ZNF254: variants seen among roughly 807,000 people sequenced by gnomAD.
ZNF254 encodes the protein CTD-2017D11.1.
Under a neutral mutation model 12.4 loss-of-function variants are expected in ZNF254, and 10 were observed. The ratio of observed to expected loss-of-function variants is 0.80; its 90% confidence interval spans 0.50 to 1.36. The LOEUF (loss-of-function observed/expected upper bound fraction) is 1.36. ZNF254 is among the 40% of genes most tolerant of loss of function. The pLI is 0.00. For missense variants in ZNF254, 996 were observed against 763.9 expected (o/e 1.30, Z -3.58); for synonymous variants, 305 against 253.4 (o/e 1.20, Z -1.93).
intron 1 of ZNF254, 28 bp downstream of exon 1, chr19:24,087,365 A>G (rs1405184896): frequency 6.2e-7 from 1 of 1,613,026 alleles, no homozygotes; most frequent in Non-Finnish European, 8.5e-7. Flanking sequence ...ACATCCCGAG[A>G]GAGGGGAGGG....
chr19:24,092,962 ACAT>A (rs1238556748), intron 1 of ZNF254, among the ~76,000 whole-genome samples: 1 of 152,120 alleles, frequency 6.6e-6, no homozygotes, highest in African/African-American at 2.4e-5. Context: ...TGCAACCTTG[ACAT>A]CATCTATTTT....
At chr19:24,106,095 C>T (rs761572302) in intron 2 of ZNF254, 29 bp downstream of exon 2, 4 of 1,543,416 alleles carry the variant, frequency 2.6e-6, no homozygotes, top group East Asian at 2.3e-5. Flanking sequence ...CAAAATTCCT[C>T]ACATAAACTA....
chr19:24,065,903 A>G (rs1039739954), intron 2 of ZNF254: 1 of 152,176 alleles, frequency 6.6e-6, no homozygotes, highest in Non-Finnish European at 1.5e-5. Flanking sequence ...ACCTTGTGAC[A>G]TAACTCAATG....
intron 3 of ZNF254, among the ~76,000 whole-genome samples, chr19:24,124,288 C>A (rs1310111445): frequency 6.6e-6 from 1 of 151,832 alleles, no homozygotes; most frequent in African/African-American, 2.4e-5. Context: ...TTAATTATAT[C>A]TTTTTATATT....
chr19:24,062,947 C>T (rs941177110), intron 2 of ZNF254, among the ~76,000 whole-genome samples: 14 of 152,052 alleles, frequency 9.2e-5, no homozygotes, highest in Non-Finnish European at 1.8e-4. Context: ...ATTACAGGTG[C>T]CCACCACTAT....
In ZNF254 at chr19:24,128,000, G is replaced by A. The variant is rs764183080; in HGVS notation, c.*20G>A. 2.6e-6 allele frequency: 4 copies of A among 1,518,998 alleles called. No individual in the cohort carries two copies. Among genetic ancestry groups the A allele is most frequent in the Non-Finnish European group, 3.5e-6 (4 of 1,140,420 alleles). 94.1% of individuals were successfully genotyped at this position (1,518,998 alleles called of 1,614,324 possible). A position where few individuals can be genotyped will look rare whatever the true frequency, so the allele number is the denominator to read the frequency against. ...GTATGAATAATGTGCCAAAGCCTAA[G>A]AAAACCCTCAATTCTTAATAGATAT... On this transcript the variant is annotated 3_prime_UTR_variant, in exon 4 of 4. Coordinates refer to ENST00000357002, the MANE Select transcript of ZNF254 (RefSeq NM_203282.4).
At chr19:24,065,124 AG>A (rs1971223174) in intron 2 of ZNF254, among the ~76,000 whole-genome samples, 1 of 152,132 alleles carries the variant, frequency 6.6e-6, no homozygotes, top group African/African-American at 2.4e-5. Context: ...CCTCCCACAG[AG>A]GGCCTTGGAA....
intron 2 of ZNF254, among the ~76,000 whole-genome samples, chr19:24,072,629 A>G (rs1971522956): frequency 6.6e-6 from 1 of 152,146 alleles, no homozygotes; most frequent in Non-Finnish European, 1.5e-5. Flanking sequence ...CTCCTCTTCC[A>G]TCTGCACCAT....
chr19:24,119,596 T>C (rs917759895), intron 3 of ZNF254, among the ~76,000 whole-genome samples: 1 of 152,036 alleles, frequency 6.6e-6, no homozygotes, highest in Non-Finnish European at 1.5e-5. Flanking sequence ...CTTAGAAGAT[T>C]CTCTGATTGC....
chr19:24,049,619 C>T (rs1295740401), intron 2 of ZNF254: 1 of 151,954 alleles, frequency 6.6e-6, no homozygotes, highest in African/African-American at 2.4e-5. Flanking sequence ...GGTCTTGTAC[C>T]CAGGTGGTGT....
chr19:24,048,365 C>T (rs976249705), intron 2 of ZNF254, among the ~76,000 whole-genome samples: 3 of 152,246 alleles, frequency 2.0e-5, no homozygotes, highest in African/African-American at 7.2e-5. Context: ...AACTGGTGGG[C>T]TTCTGCCTCC....
At chr19:24,048,127 G>A (rs1237348701) in intron 2 of ZNF254, among the ~76,000 whole-genome samples, 1 of 151,446 alleles carries the variant, frequency 6.6e-6, no homozygotes, top group Non-Finnish European at 1.5e-5. Context: ...GGCCTGCAGG[G>A]TGGACCTAGT....
chr19:24,078,531 A>C (rs1419609084), intron 2 of ZNF254: 1 of 152,172 alleles, frequency 6.6e-6, no homozygotes, highest in Non-Finnish European at 1.5e-5. Context: ...GGCAACTTAA[A>C]TCTGTCCTCC....
chr19:24,108,092 GGA>G (rs1177383966), intron 3 of ZNF254, among the ~76,000 whole-genome samples: 1 of 152,168 alleles, frequency 6.6e-6, no homozygotes, highest in Non-Finnish European at 1.5e-5. Flanking sequence ...ACTGAGTACA[GGA>G]GAGGATTTTC....
chr19:24,070,628 A>G (rs1470632805), intron 2 of ZNF254, among the ~76,000 whole-genome samples: 1 of 152,212 alleles, frequency 6.6e-6, no homozygotes, highest in African/African-American at 2.4e-5. Flanking sequence ...CTTGCCTCTC[A>G]TACCTAGAAT....
At chr19:24,108,815 A>C (rs1475713406) in intron 3 of ZNF254, among the ~76,000 whole-genome samples, 7 of 152,246 alleles carry the variant, frequency 4.6e-5, no homozygotes, top group African/African-American at 1.7e-4. Context: ...TAGAATATAC[A>C]TGTCGTGCCT....
chr19:24,117,776 G>A (rs62114847), intron 3 of ZNF254, among the ~76,000 whole-genome samples: 3,859 of 151,926 alleles, frequency 0.025, 86 homozygotes, highest in Non-Finnish European at 0.04. Context: ...GAAATCACCC[G>A]TCTTCTGCAT....
intron 1 of ZNF254, among the ~76,000 whole-genome samples, chr19:24,039,562 T>C (rs1030220207): frequency 6.6e-6 from 1 of 152,140 alleles, no homozygotes; most frequent in Non-Finnish European, 1.5e-5. Context: ...GTAGCTGGGA[T>C]TACAGGCTCT....
chr19:24,049,214 A>ATATATATATATT (rs1160333151), intron 2 of ZNF254, among the ~76,000 whole-genome samples: 28 of 40,844 alleles, frequency 6.9e-4, no homozygotes, highest in Admixed American at 1.1e-3. Context: ...ATATATATAT[A>ATATATATATATT]TTTTTTTTTT....
Sources: gnomAD v4.1 joint callset for allele counts (sites outside exome capture counted in the v4.1 genomes callset) on GRCh38, gnomAD v4.1.1 for gene constraint, MANE v1.5 for transcripts, NCBI Gene and HGNC (gene_info 2026-07-23, HGNC 2026-07-21) for gene names.